GNAO1: variants seen among roughly 807,000 people sequenced by gnomAD.
GNAO1 encodes the protein G protein subunit alpha o1, also known as guanine nucleotide-binding protein G(o) subunit alpha.
For synonymous variants in GNAO1, 164 were observed against 180.7 expected, an observed-to-expected ratio of 0.91 and a Z score of 0.74; for missense variants, 166 against 478.7, an observed-to-expected ratio of 0.35 and a Z score of 6.10.
intron 3 of GNAO1, among the ~76,000 whole-genome samples, chr16:56,295,010 A>G (rs1326160567): frequency 6.6e-6 from 1 of 152,084 alleles, no homozygotes; most frequent in Non-Finnish European, 1.5e-5. Context: ...TCCCTGATAC[A>G]AGTTCCTTGT....
chr16:56,226,680 A>C (rs2143384448), intron 2 of GNAO1: 1 of 152,380 alleles, frequency 6.6e-6, no homozygotes, highest in South Asian at 2.1e-4. Context: ...CTATTTTATA[A>C]GTTTTGGGCA....
chr16:56,238,656 C>T (rs572289500), intron 2 of GNAO1, among the ~76,000 whole-genome samples: 2 of 152,342 alleles, frequency 1.3e-5, no homozygotes, highest in East Asian at 3.9e-4. Context: ...CTGCAGGGTA[C>T]ACAGCAGACA....
At chr16:56,313,232 T>A (rs972780884) in intron 3 of GNAO1, among the ~76,000 whole-genome samples, 1 of 152,208 alleles carries the variant, frequency 6.6e-6, no homozygotes, top group Non-Finnish European at 1.5e-5. Flanking sequence ...GAAAGAATGC[T>A]CTTGTCCAGC....
chr16:56,242,254 C>A (rs1348089625), intron 2 of GNAO1, among the ~76,000 whole-genome samples: 1 of 152,160 alleles, frequency 6.6e-6, no homozygotes, highest in Non-Finnish European at 1.5e-5. Context: ...ACCCCCAAAT[C>A]ATTTATAGAT....
chr16:56,256,686 GTCTCTCTCTCTCTC>G (rs1172369417), intron 2 of GNAO1, among the ~76,000 whole-genome samples: 47 of 136,526 alleles, frequency 3.4e-4, no homozygotes, highest in South Asian at 1.3e-3. Flanking sequence ...CTTTCTCTCT[GTCTCTCTCTCTCTC>G]TCTCTCTCTC....
chr16:56,350,093 C>A (rs536514285), intron 6 of GNAO1, among the ~76,000 whole-genome samples: 24 of 152,116 alleles, frequency 1.6e-4, no homozygotes, highest in Non-Finnish European at 5.9e-5. Context: ...ATCTTCATTG[C>A]CCTCCTTCTG....
rs72814444 is a variant in GNAO1, at chr16:56,259,512, T to A, written c.162-16419T>A. ...TGGATACAGAAGTGTCTTGGGACAGTTGTCTCAGCATTGCTGGCCGTGGTG... is the reference window on the plus strand; with the variant it reads ...TGGATACAGAAGTGTCTTGGGACAGATGTCTCAGCATTGCTGGCCGTGGTG... On this transcript the variant is annotated intron_variant, in intron 2 of 8. Transcript: ENST00000262493. Among the ~76,000 whole-genome samples the A allele has an allele frequency of 1.3e-3, 199 of 152,356 alleles. 1 individual carries two copies. The highest frequency in any genetic ancestry group is 2.6e-3 in the Non-Finnish European group (174 of 68,036).
At chr16:56,220,262 C>T (rs1354149861) in intron 2 of GNAO1, among the ~76,000 whole-genome samples, 2 of 152,194 alleles carry the variant, frequency 1.3e-5, no homozygotes, top group African/African-American at 2.4e-5. Flanking sequence ...CTATATCCTA[C>T]ATATACCCTT....
chr16:56,333,351 A>G (rs540372595), intron 4 of GNAO1, among the ~76,000 whole-genome samples: 4 of 151,922 alleles, frequency 2.6e-5, no homozygotes, highest in South Asian at 2.1e-4. Flanking sequence ...TGCTGGGATT[A>G]TAGGCACCTG....
At chr16:56,299,868 C>G (rs1048460956) in intron 3 of GNAO1, among the ~76,000 whole-genome samples, 6 of 152,164 alleles carry the variant, frequency 3.9e-5, no homozygotes, top group African/African-American at 1.2e-4. Flanking sequence ...CCTGGGGGTC[C>G]AGAGGCAGCA....
intron 3 of GNAO1, among the ~76,000 whole-genome samples, chr16:56,287,550 T>C (rs1253024510): frequency 6.6e-6 from 1 of 152,226 alleles, no homozygotes; most frequent in Non-Finnish European, 1.5e-5. Flanking sequence ...AGGAAACAGC[T>C]ACTGCCATCT....
In GNAO1 at chr16:56,334,725, T is replaced by C. The variant is rs755412219; in HGVS notation, c.465-4T>C. ...CATAGTCCCCTGTTTGTTGCCATCC[T>C]CAGCTACCTGGACAGCCTGGATCGG... On this transcript the variant is annotated splice_polypyrimidine_tract_variant and splice_region_variant and intron_variant, in intron 4 of 8. Transcript: ENST00000262493. 1.2e-6 allele frequency: 2 copies of C among 1,613,890 alleles called. No homozygotes were observed. The highest frequency in any genetic ancestry group is 8.5e-7 in the Non-Finnish European group (1 of 1,179,964).
intron 2 of GNAO1, among the ~76,000 whole-genome samples, chr16:56,209,340 G>T (rs1017923005): frequency 1.3e-5 from 2 of 152,110 alleles, no homozygotes; most frequent in Non-Finnish European, 2.9e-5. Flanking sequence ...TTATGACAGT[G>T]CCACACTGTC....
Position 56,191,547 on chromosome 16 carries a change from T to G in GNAO1, c.-689T>G. The G allele has an allele frequency of 6.6e-6, 1 of 150,994 alleles. No individual in the cohort carries two copies. The highest frequency in any genetic ancestry group is 1.5e-5 in the Non-Finnish European group (1 of 67,980). 9.4% of individuals were successfully genotyped at this position (150,994 alleles called of 1,614,324 possible). On this transcript the variant is annotated 5_prime_UTR_variant, in exon 1 of 9. Transcript: ENST00000262493. This position sits in a 1 kb window ranked among gnomAD's most constrained non-coding sequence, Gnocchi z 4.7. ...GCGGCTCCCTGGCGCTCTCCCTCTC[T>G]CTCCGGTAGGCTCACCGAGCGATGC... is the stretch of plus-strand genomic sequence containing the variant.
At chr16:56,286,647 C>G (rs548098202) in intron 3 of GNAO1, among the ~76,000 whole-genome samples, 1 of 152,072 alleles carries the variant, frequency 6.6e-6, no homozygotes, top group East Asian at 1.9e-4. Context: ...ACCACCAAGT[C>G]CTGCAAGTCT....
rs984892193 is a variant in GNAO1, at chr16:56,354,590, C to A, written c.878-276C>A. ...ACTCAGGAGGCTGAGGCAGGAGAAT[C>A]GCTTGAACCTGGGAGGCAGAGGTTG... On this transcript the variant is annotated intron_variant, in intron 7 of 8. Coordinates refer to ENST00000262493, the MANE Select transcript of GNAO1 (RefSeq NM_020988.3). This position sits in a 1 kb window ranked among gnomAD's most constrained non-coding sequence, Gnocchi z 4.3. Among the ~76,000 whole-genome samples the A allele has an allele frequency of 6.6e-6, 1 of 152,174 alleles. No individual in the cohort carries two copies. Among genetic ancestry groups the A allele is most frequent in the Non-Finnish European group, 1.5e-5 (1 of 68,028 alleles).
intron 3 of GNAO1, 170 bp downstream of exon 3, chr16:56,276,242 G>A (rs952157881): frequency 3.9e-6 from 2 of 513,028 alleles, no homozygotes; most frequent in Non-Finnish European, 6.6e-6. Context: ...CCACCCCTCT[G>A]GCAAACTCCC....
At chr16:56,296,217 T>C (rs2037286718) in intron 3 of GNAO1, among the ~76,000 whole-genome samples, 1 of 152,228 alleles carries the variant, frequency 6.6e-6, no homozygotes, top group Non-Finnish European at 1.5e-5. Context: ...TCCTGTTTTG[T>C]GGCAGCTCTC....
chr16:56,317,148 C>T (rs1466965862), intron 3 of GNAO1, among the ~76,000 whole-genome samples: 1 of 152,254 alleles, frequency 6.6e-6, no homozygotes, highest in Non-Finnish European at 1.5e-5. Context: ...CCACAGGAGA[C>T]ATCCTGGGTC....
Sources: gnomAD v4.1 joint callset for allele counts (sites outside exome capture counted in the v4.1 genomes callset) on GRCh38, gnomAD v4.1.1 for gene constraint, Gnocchi (gnomAD v3.1) non-coding constraint, MANE v1.5 for transcripts, NCBI Gene and HGNC (gene_info 2026-07-23, HGNC 2026-07-21) for gene names.